BRD9: variants seen among roughly 807,000 people sequenced by gnomAD.
The protein encoded by BRD9 is bromodomain containing 9, also known as bromodomain-containing protein 9.
Under a neutral mutation model 68.7 loss-of-function variants are expected in BRD9, and 47 were observed. The ratio of observed to expected loss-of-function variants is 0.68; its 90% CI spans 0.54 to 0.87. BRD9 has a LOEUF of 0.87. Among genes scored for constraint, BRD9 ranks in the 40% least tolerant of loss-of-function variants. BRD9 has a pLI of 0.00. For synonymous variants in BRD9, 313 were observed against 293.9 expected (o/e 1.06, Z -0.67); for missense variants, 670 against 748.4 (o/e 0.90, Z 1.22).
intron 8 of BRD9, 150 bp downstream of exon 8, chr5:883,788 T>C: frequency 9.1e-7 from 1 of 1,102,570 alleles, no homozygotes; most frequent in Non-Finnish European, 1.3e-6. Flanking sequence ...CAGCCTTATG[T>C]GTGTCTGATC....
intron 7 of BRD9, among the ~76,000 whole-genome samples, chr5:885,170 C>T (rs1368760662): frequency 3.9e-5 from 6 of 152,256 alleles, no homozygotes; most frequent in African/African-American, 1.4e-4. Flanking sequence ...GAGTCGGGGG[C>T]TGAGGCCGGA....
chr5:871,925 G>C (rs375305860), intron 12 of BRD9, among the ~76,000 whole-genome samples: 10 of 152,368 alleles, frequency 6.6e-5, no homozygotes, highest in African/African-American at 2.4e-4. Flanking sequence ...GGATAAGAAG[G>C]GTCTCGTGGG....
chr5:889,846 G>C lies in BRD9; in HGVS notation c.401-199C>G. 5 of 1,175,070 alleles carry C rather than the reference G, an allele frequency of 4.3e-6. No homozygotes were observed. The South Asian group carries it at 6.5e-5, about 15-fold the overall frequency. 72.8% of individuals were successfully genotyped at this position (1,175,070 alleles called of 1,614,324 possible). On this transcript the variant is annotated intron_variant, in intron 3 of 15. Transcript: ENST00000467963. ...GGTAGAAAGGGCACCCCCACAGCAG[G>C]AGTCATAAAAATCTCTTGTAATAAC...
Position 878,066 on chromosome 5 carries a change from G to A in BRD9, c.1271+289C>T, listed in dbSNP as rs1310551802. 3.9e-5 allele frequency among the ~76,000 whole-genome samples: 6 copies of A among 152,266 alleles called. No homozygotes were observed. In the East Asian group the frequency reaches 5.8e-4, roughly 15 times the overall value. On this transcript the variant is annotated intron_variant, in intron 11 of 15. Transcript: ENST00000467963. Reference sequence around the variant, plus strand: ...TTGTCACTGCAGCCTGAGCTAGCACGGTCACTTAGGAAACACAATTCAATA... The same window carrying A: ...TTGTCACTGCAGCCTGAGCTAGCACAGTCACTTAGGAAACACAATTCAATA...
chr5:891,465 C>T, intron 2 of BRD9, 175 bp downstream of exon 2: 1 of 1,315,724 alleles, frequency 7.6e-7, no homozygotes, highest in Admixed American at 2.8e-5. Context: ...TGAGGAACAG[C>T]ACACCCAGGA....
chr5:885,610 C>T (rs1022513583), intron 7 of BRD9, among the ~76,000 whole-genome samples: 33 of 152,244 alleles, frequency 2.2e-4, no homozygotes, highest in African/African-American at 7.5e-4. Flanking sequence ...TCTGATCTGT[C>T]CCCAGGATGG....
chr5:883,276 G>A (rs574625949), intron 8 of BRD9: 87 of 452,316 alleles, frequency 1.9e-4, no homozygotes, highest in African/African-American at 1.6e-3. Flanking sequence ...TCAAATTAAC[G>A]TTTTCTACAG....
Position 892,588 on chromosome 5 carries a change from A to G in BRD9, c.52+18T>C. On this transcript the variant is annotated intron_variant, in intron 1 of 15. Coordinates refer to ENST00000467963, the MANE Select transcript of BRD9 (RefSeq NM_023924.5). ...CGGGACCCCGCCCGCCGCGCGTCAC[A>G]AAGCGCCGCCGCCTCACCCTCGTAG... The G allele has an allele frequency of 6.5e-7, 1 of 1,534,786 alleles. No homozygotes were observed. The highest frequency in any genetic ancestry group is 8.8e-7 in the Non-Finnish European group (1 of 1,140,306).
chr5:891,883 G>T (rs758844829), intron 1 of BRD9, 29 bp from the exon 2 acceptor site: 2 of 1,548,820 alleles, frequency 1.3e-6, no homozygotes, highest in Non-Finnish European at 1.7e-6. Flanking sequence ...AGTTCTACCC[G>T]CGTGCTCAGG....
At chr5:885,938 T>C (rs953468633) in intron 7 of BRD9, among the ~76,000 whole-genome samples, 2 of 152,126 alleles carry the variant, frequency 1.3e-5, no homozygotes, top group Non-Finnish European at 2.9e-5. Context: ...TCAGCCACCA[T>C]GAGACAAAGA....
chr5:888,764 C>T (rs145999832), intron 5 of BRD9, among the ~76,000 whole-genome samples: 26 of 152,348 alleles, frequency 1.7e-4, no homozygotes, highest in African/African-American at 6.0e-4. Flanking sequence ...GTCCTATTTA[C>T]GCCAGCGCAG....
At chr5:892,274 G>A (rs1253704051) in intron 1 of BRD9, 2 of 486,352 alleles carry the variant, frequency 4.1e-6, no homozygotes, top group African/African-American at 4.1e-5. Flanking sequence ...AAGGGAGAGG[G>A]AGGGAAAGGC....
At chr5:864,673 G>A (rs1749077096) in intron 15 of BRD9, 105 bp from the exon 16 acceptor site, 1 of 918,836 alleles carries the variant, frequency 1.1e-6, no homozygotes, top group African/African-American at 1.7e-5. Flanking sequence ...CCAGGGCTCA[G>A]GGACTCCCAG....
At position 887,451 on chromosome 5, in the gene BRD9, A is replaced by T; in HGVS notation, c.627T>A (p.Cys209Ter). Residue 209 changes from cysteine to a stop codon, truncating the protein, a stop_gained, in exon 6 of 16, where the codon TGT becomes TGA. Transcript: ENST00000467963. LOFTEE classifies it high-confidence loss of function. ...GCCTATTGTATGTCATTGCATTATCACACATCAGCTTGAAATCTGCCTGAA... is the reference window on the plus strand; with the variant it reads ...GCCTATTGTATGTCATTGCATTATCTCACATCAGCTTGAAATCTGCCTGAA... The part of the protein sequence containing the change: ...TEFKADFKLM[C>*]DNAMTYNRPD... 6.2e-7 allele frequency: 1 copy of T among 1,613,804 alleles called. No homozygotes were observed. Among genetic ancestry groups the T allele is most frequent in the Admixed American group, 1.7e-5 (1 of 60,008 alleles).
intron 14 of BRD9, chr5:868,935 C>T (rs543206551): frequency 2.6e-5 from 5 of 192,568 alleles, no homozygotes; most frequent in East Asian, 1.7e-4. Context: ...AGCTCGGGGG[C>T]GCTGCACCGG....
chr5:890,422 G>A (rs1352383096), intron 3 of BRD9, among the ~76,000 whole-genome samples: 1 of 152,108 alleles, frequency 6.6e-6, no homozygotes, highest in Non-Finnish European at 1.5e-5. Context: ...AGAGTTGCTG[G>A]GAAGAGACAC....
At chr5:889,865 T>A (rs1325107384) in intron 3 of BRD9, 6 of 905,372 alleles carry the variant, frequency 6.6e-6, no homozygotes, top group East Asian at 4.0e-5. Flanking sequence ...AAATCTCTTG[T>A]AATAACCGGT....
intron 7 of BRD9, among the ~76,000 whole-genome samples, chr5:885,803 T>C (rs1205952743): frequency 6.6e-6 from 1 of 152,248 alleles, no homozygotes; most frequent in Non-Finnish European, 1.5e-5. Flanking sequence ...TAAGTGCTCT[T>C]GGTGCCTCTA....
intron 12 of BRD9, among the ~76,000 whole-genome samples, chr5:873,530 T>C (rs1437128768): frequency 6.6e-6 from 1 of 152,234 alleles, no homozygotes; most frequent in African/African-American, 2.4e-5. Flanking sequence ...AGCCGACATG[T>C]AACCTCTGTG....
Sources: allele counts gnomAD v4.1 joint callset (sites outside exome capture counted in the v4.1 genomes callset), GRCh38; gene constraint gnomAD v4.1.1; transcripts MANE v1.5; gene names NCBI Gene and HGNC (gene_info 2026-07-23, HGNC 2026-07-21).